Variants in CHD6 observed in about 807,000 individuals in gnomAD.
CHD6 encodes the protein chromodomain helicase DNA binding protein 6.
A neutral mutation model predicts 276.9 loss-of-function variants in CHD6; 50 were observed. The ratio of observed to expected loss-of-function variants is 0.18; its 90% CI spans 0.14 to 0.23. CHD6 has a LOEUF of 0.23. Ranked by LOEUF, CHD6 falls within the 10% of genes least tolerant of loss-of-function variation. The pLI, the probability that CHD6 is intolerant of heterozygous loss-of-function variation, is 1.00. For synonymous variants in CHD6, 1,173 were observed against 1,229.3 expected (o/e 0.95, Z 0.96); for missense variants, 2,564 against 3,365.8 (o/e 0.76, Z 5.89).
Position 41,451,093 on chromosome 20 carries a change from G to A in CHD6, c.3536C>T (p.Pro1179Leu), listed in dbSNP as rs765700069. 16 of 1,613,516 alleles carry A rather than the reference G, an allele frequency of 9.9e-6. No individual in the cohort carries two copies. The change falls in exon 23 of 37, where the codon CCA (proline) becomes CTA (leucine). Residue 1179 changes from proline to leucine, a missense_variant. Coordinates refer to ENST00000373233, the MANE Select transcript of CHD6 (RefSeq NM_032221.5). ...TLQNHSGLSA[P>L]VPRGRKGKKT... ...CTTCCCCTTCCTCCCTCTGGGGACT[G>A]GGGCAGATAAGCCTGAAACAGAAAG...
chr20:41,457,535 T>A lies in CHD6; in HGVS notation c.2665-107A>T, dbSNP rs532530589. The A allele has an allele frequency of 2.3e-5, 30 of 1,306,726 alleles. No homozygotes were observed. The African/African-American group carries it at 3.8e-4, about 17-fold the overall frequency. 80.9% of individuals were successfully genotyped at this position (1,306,726 alleles called of 1,614,324 possible). ...GTCATGTGGTGTGAGTGGCCAACTC[T>A]CGGTTACAAGTAACAGGACTGATTT... is the stretch of plus-strand genomic sequence containing the variant. On this transcript the variant is annotated intron_variant, in intron 17 of 36. Transcript: ENST00000373233.
chr20:41,588,008 A>G (rs1350973703), intron 1 of CHD6, among the ~76,000 whole-genome samples: 1 of 152,096 alleles, frequency 6.6e-6, no homozygotes, highest in Non-Finnish European at 1.5e-5. Context: ...AAGAGGGAGC[A>G]TAGTGTATAA....
At chr20:41,442,322 T>G (rs189487542) in intron 25 of CHD6, among the ~76,000 whole-genome samples, 1 of 151,300 alleles carries the variant, frequency 6.6e-6, no homozygotes, top group East Asian at 1.9e-4. Flanking sequence ...CATGGTGGTG[T>G]GCACCTGTAG....
chr20:41,610,780 T>TAAAC (rs1263275093), intron 1 of CHD6, among the ~76,000 whole-genome samples: 5 of 151,388 alleles, frequency 3.3e-5, no homozygotes, highest in African/African-American at 7.3e-5. Flanking sequence ...AATAAATAAA[T>TAAAC]AAATAAATAA....
intron 1 of CHD6, among the ~76,000 whole-genome samples, chr20:41,579,203 G>A (rs1432469354): frequency 8.7e-5 from 13 of 149,008 alleles, no homozygotes; most frequent in East Asian, 2.0e-4. Flanking sequence ...TTGGGACGCC[G>A]AGGTGGGCTG....
Position 41,533,423 on chromosome 20 carries a change from G to C in CHD6, c.181C>G (p.Leu61Val), listed in dbSNP as rs61753666. Reference sequence around the variant, plus strand: ...GCAGCTTCCTCTTCAGCAGTATACAGGTCCTTCTGAGGCAGACAGTGACTA... The same window carrying C: ...GCAGCTTCCTCTTCAGCAGTATACACGTCCTTCTGAGGCAGACAGTGACTA... ...VASHCLPQKD[L>V]YTAEEEAATL... The change falls in exon 3 of 37, where the codon CTG becomes GTG. Residue 61 changes from leucine to valine, a missense_variant. Leu to Val is a conservative substitution (Grantham distance 32, BLOSUM62 1). Transcript: ENST00000373233. 25,944 of 1,614,000 alleles carry C rather than the reference G, an allele frequency of 0.016. 217 individuals are homozygous for C. The highest frequency in any genetic ancestry group is 0.025 in the South Asian group (2,261 of 91,068).
At position 41,473,281 on chromosome 20, in the gene CHD6, C is replaced by A; in HGVS notation, c.2664+41G>T. 1 of 1,586,894 alleles carries A rather than the reference C, an allele frequency of 6.3e-7. No individual in the cohort carries two copies. Among genetic ancestry groups the A allele is most frequent in the Non-Finnish European group, 8.6e-7 (1 of 1,160,138 alleles). ...AGGCCCTATCATGATGTTCTGGGAT[C>A]CAGGGCAGCTAAGGTAAACAGCAAT... is the stretch of plus-strand genomic sequence containing the variant. On this transcript the variant is annotated intron_variant, in intron 17 of 36. Transcript: ENST00000373233. The surrounding 1 kb of genome is among the most constrained non-coding windows in gnomAD (Gnocchi z 4.1).
intron 1 of CHD6, among the ~76,000 whole-genome samples, chr20:41,572,405 T>C (rs983591801): frequency 2.0e-5 from 3 of 152,132 alleles, no homozygotes; most frequent in Non-Finnish European, 4.4e-5. Flanking sequence ...CTTCCTGTGC[T>C]CCTGTAGACA....
rs561061702 is a variant in CHD6, at chr20:41,495,192, C to T, written c.1093-1248G>A. Among the ~76,000 whole-genome samples the T allele has an allele frequency of 2.4e-4, 36 of 152,124 alleles. No individual in the cohort carries two copies. In the South Asian group the frequency reaches 5.6e-3, roughly 24 times the overall value. ...TTATTATTCACAATAGTCAAGATTA[C>T]GGAAACAAGCTAAGTGTCCATCAAG... On this transcript the variant is annotated intron_variant, in intron 8 of 36. Transcript: ENST00000373233.
At position 41,452,042 on chromosome 20, in the gene CHD6, A is replaced by G; in HGVS notation, c.3324-17T>C. 1 of 1,608,664 alleles carries G rather than the reference A, an allele frequency of 6.2e-7. No homozygotes were observed. Among genetic ancestry groups the G allele is most frequent in the Non-Finnish European group, 8.5e-7 (1 of 1,175,638 alleles). ...CGGCCCCAGCTGACAGTGGACATAC[A>G]GACAGGTGTTGGAGGGAGAATGGAC... is the stretch of plus-strand genomic sequence containing the variant. On this transcript the variant is annotated splice_polypyrimidine_tract_variant and intron_variant, in intron 21 of 36. Coordinates refer to ENST00000373233, the MANE Select transcript of CHD6 (RefSeq NM_032221.5). The surrounding 1 kb of genome is among the most constrained non-coding windows in gnomAD (Gnocchi z 4.2).
intron 1 of CHD6, among the ~76,000 whole-genome samples, chr20:41,553,578 G>A (rs1324460412): frequency 6.6e-6 from 1 of 152,238 alleles, no homozygotes; most frequent in Admixed American, 6.5e-5. Flanking sequence ...TTAAGAGCGT[G>A]AGGTCTAGCT....
At chr20:41,481,821 T>C (rs1008265253) in intron 16 of CHD6, among the ~76,000 whole-genome samples, 3 of 151,420 alleles carry the variant, frequency 2.0e-5, no homozygotes, top group Non-Finnish European at 2.9e-5. Context: ...TGTAGAAAAA[T>C]AAAGAAAAAA....
Position 41,473,959 on chromosome 20 carries a change from C to T in CHD6, c.2469-442G>A, listed in dbSNP as rs946404341. 6.6e-6 allele frequency among the ~76,000 whole-genome samples: 1 copy of T among 152,192 alleles called. No homozygotes were observed. Among genetic ancestry groups the T allele is most frequent in the Admixed American group, 6.5e-5 (1 of 15,280 alleles). On this transcript the variant is annotated intron_variant, in intron 16 of 36. Coordinates refer to ENST00000373233, the MANE Select transcript of CHD6 (RefSeq NM_032221.5). This position sits in a 1 kb window ranked among gnomAD's most constrained non-coding sequence, Gnocchi z 4.1. ...AAGGACTCAGAGTTTTCATCAGTTT[C>T]CAGCTACTTTAGGGTAAACCAGAAA... is the stretch of plus-strand genomic sequence containing the variant.
chr20:41,494,251 C>G (rs1044410429), intron 8 of CHD6, among the ~76,000 whole-genome samples: 1 of 152,110 alleles, frequency 6.6e-6, no homozygotes, highest in Non-Finnish European at 1.5e-5. Flanking sequence ...GTCCTTATTT[C>G]AAACACAGCC....
chr20:41,485,668 A>C (rs2043395081), intron 14 of CHD6: 1 of 150,476 alleles, frequency 6.6e-6, no homozygotes, highest in Non-Finnish European at 1.5e-5. Context: ...CAGAGATTAG[A>C]GTAGTGGTTA....
At chr20:41,587,841 C>CAA (rs1391250563) in intron 1 of CHD6, among the ~76,000 whole-genome samples, 3 of 151,602 alleles carry the variant, frequency 2.0e-5, no homozygotes, top group African/African-American at 7.3e-5. Context: ...AAAAAAAACC[C>CAA]AAAAAAACCC....
At chr20:41,501,132 T>C (rs1331440436) in intron 5 of CHD6, among the ~76,000 whole-genome samples, 1 of 152,188 alleles carries the variant, frequency 6.6e-6, no homozygotes, top group Non-Finnish European at 1.5e-5. Flanking sequence ...TCCTACCTCA[T>C]TTCCTTCCTA....
In CHD6 at chr20:41,451,868, G is replaced by A; in HGVS notation, c.3481C>T (p.Pro1161Ser). ...GTCTGGGCTTGCCCATCTTTGGTAGGTGTGATCAGTTCCCAAATGAAACTC... is the reference window on the plus strand; with the variant it reads ...GTCTGGGCTTGCCCATCTTTGGTAGATGTGATCAGTTCCCAAATGAAACTC... ...IKSFIWELIT[P>S]TKDGQAQTLQ... Residue 1161 changes from proline to serine, a missense_variant, in exon 22 of 37, where the codon CCT becomes TCT. Physicochemically the swap from Pro to Ser is moderately conservative, Grantham distance 74. This residue lies in a region of CHD6 where 515 missense variants were observed against 739.5 expected (regional missense o/e 0.70). Transcript: ENST00000373233. 1 of 1,614,138 alleles carries A rather than the reference G, an allele frequency of 6.2e-7. No homozygotes were observed. The highest frequency in any genetic ancestry group is 8.5e-7 in the Non-Finnish European group (1 of 1,180,010).
intron 2 of CHD6, chr20:41,547,286 G>T: frequency 5.7e-6 from 1 of 175,678 alleles, no homozygotes; most frequent in Non-Finnish European, 1.2e-5. Flanking sequence ...CTTATGATGT[G>T]AGGCATGTTA....
Sources: allele counts gnomAD v4.1 joint callset (sites outside exome capture counted in the v4.1 genomes callset), GRCh38; gene constraint gnomAD v4.1.1; regional missense constraint gnomAD v4.1.1; non-coding constraint Gnocchi (gnomAD v3.1); transcripts MANE v1.5; gene names NCBI Gene and HGNC (gene_info 2026-07-23, HGNC 2026-07-21).